The following TMTC2 variants were observed in gnomAD, a reference collection of about 807,000 sequenced individuals.
The protein encoded by TMTC2 is protein O-mannosyl-transferase TMTC2.
A neutral mutation model predicts 82.4 loss-of-function variants in TMTC2; 43 were observed. The observed-to-expected ratio is 0.52, with a 90% CI of 0.41 to 0.67. The LOEUF (loss-of-function observed/expected upper bound fraction) is 0.67, where lower values mean the gene tolerates loss of function less well. Among genes scored for constraint, TMTC2 ranks in the 30% least tolerant of loss-of-function variants. The pLI is 0.00. For synonymous variants in TMTC2, 408 were observed against 381.9 expected (o/e 1.07, Z -0.80); for missense variants, 919 against 1,012.4 (o/e 0.91, Z 1.25).
At chr12:82,691,390 A>G (rs1038383003) in intron 1 of TMTC2, among the ~76,000 whole-genome samples, 1 of 152,208 alleles carries the variant, frequency 6.6e-6, no homozygotes, top group Admixed American at 6.5e-5. Flanking sequence ...TTAAAATTAC[A>G]TCAAGCTCTT....
chr12:82,749,495 G>T lies in TMTC2; in HGVS notation c.83+61826G>T, dbSNP rs1002435468. Among the ~76,000 whole-genome samples, 3 of 150,844 alleles carry T rather than the reference G, an allele frequency of 2.0e-5. No individual in the cohort carries two copies. The South Asian group carries it at 6.3e-4, about 32-fold the overall frequency. ...CACTTTGTAGATTTGATGCTTTTTT[G>T]TTTTTTTTTAATTTGGTATAAAAGC... is the stretch of plus-strand genomic sequence containing the variant. On this transcript the variant is annotated intron_variant, in intron 1 of 11. Coordinates refer to ENST00000321196, the MANE Select transcript of TMTC2 (RefSeq NM_152588.3).
rs994523924 is a variant in TMTC2 at position 82,697,068 on chromosome 12, G to A, written c.83+9399G>A. Among the ~76,000 whole-genome samples the A allele has an allele frequency of 9.0e-4, 136 of 151,376 alleles. 1 individual carries two copies. The highest frequency in any genetic ancestry group is 3.2e-3 in the African/African-American group (132 of 41,314). On this transcript the variant is annotated intron_variant, in intron 1 of 11. Coordinates refer to ENST00000321196, the MANE Select transcript of TMTC2 (RefSeq NM_152588.3). ...CTTGTTAAAAATGCAGATTTTGGCC[G>A]GGCGCAGTGGCTCATGCCTGTAATC...
chr12:82,887,405 T>C (rs1394369526), intron 2 of TMTC2, among the ~76,000 whole-genome samples: 1 of 152,206 alleles, frequency 6.6e-6, no homozygotes, highest in Admixed American at 6.5e-5. Flanking sequence ...TAGAAGGGAA[T>C]AATTCACCAC....
chr12:82,708,785 T>TA (rs749350361), intron 1 of TMTC2, among the ~76,000 whole-genome samples: 14 of 152,248 alleles, frequency 9.2e-5, no homozygotes, highest in Non-Finnish European at 2.1e-4. Context: ...GTTGCTTTGT[T>TA]ACATTGTTTC....
intron 1 of TMTC2, among the ~76,000 whole-genome samples, chr12:82,735,994 C>T (rs1875106188): frequency 7.0e-6 from 1 of 142,162 alleles, no homozygotes; most frequent in Admixed American, 6.9e-5. Flanking sequence ...CACACACACA[C>T]ACACACACAA....
rs181994826 is a variant in TMTC2, at chr12:83,058,265, C to T, written c.2268-3503C>T. Among the ~76,000 whole-genome samples, 84 of 151,866 alleles carry T rather than the reference C, an allele frequency of 5.5e-4. 1 individual carries two copies. The highest frequency in any genetic ancestry group is 3.4e-3 in the Middle Eastern group (1 of 294). The stretch of plus-strand genomic sequence containing the variant: ...AGTTTTGTTATTGTCTGTTTGCTTT[C>T]GATCTGAGAGTATATTTTCACTGAT... On this transcript the variant is annotated intron_variant, in intron 10 of 11. Coordinates refer to ENST00000321196, the MANE Select transcript of TMTC2 (RefSeq NM_152588.3).
intron 3 of TMTC2, among the ~76,000 whole-genome samples, chr12:82,925,385 A>C (rs2137234778): frequency 6.6e-6 from 1 of 152,322 alleles, no homozygotes; most frequent in East Asian, 1.9e-4. Context: ...ATAAATTAAT[A>C]AATATTTAAT....
chr12:83,068,504 G>A (rs1882998004), intron 11 of TMTC2, among the ~76,000 whole-genome samples: 1 of 152,000 alleles, frequency 6.6e-6, no homozygotes, highest in Non-Finnish European at 1.5e-5. Context: ...GGAACCACAT[G>A]GTCTCTCCCA....
intron 4 of TMTC2, among the ~76,000 whole-genome samples, chr12:82,938,709 G>A (rs992739963): frequency 6.6e-6 from 1 of 152,156 alleles, no homozygotes. Context: ...CATGTGGCAA[G>A]AGCAAGGCCT....
chr12:82,928,353 G>C (rs1043406022), intron 3 of TMTC2, among the ~76,000 whole-genome samples: 2 of 152,056 alleles, frequency 1.3e-5, no homozygotes, highest in South Asian at 4.1e-4. Flanking sequence ...GTAATTATTA[G>C]AAATTTCCAT....
At chr12:82,840,545 T>A (rs759335916) in intron 1 of TMTC2, among the ~76,000 whole-genome samples, 35 of 152,214 alleles carry the variant, frequency 2.3e-4, no homozygotes, top group Non-Finnish European at 1.3e-4. Context: ...TTATTGGCAG[T>A]GGCCAGGGTG....
intron 3 of TMTC2, among the ~76,000 whole-genome samples, chr12:82,901,300 A>T (rs34125657): frequency 0.12 from 10,047 of 85,192 alleles, 881 homozygotes; most frequent in African/African-American, 0.18. Flanking sequence ...ATATATATAT[A>T]TTTTTTTTTC....
At position 82,735,572 on chromosome 12, in the gene TMTC2, C is replaced by T. The variant is rs538957792; in HGVS notation, c.83+47903C>T. Among the ~76,000 whole-genome samples, 13 of 152,022 alleles carry T rather than the reference C, an allele frequency of 8.6e-5. No homozygotes were observed. In the South Asian group the frequency reaches 2.5e-3, roughly 29 times the overall value. ...GTGTTAGCCAGGATGGTCTCGATCT[C>T]CTGACCTTGTGATCCGCCCTCCTTG... On this transcript the variant is annotated intron_variant, in intron 1 of 11. Transcript: ENST00000321196.
At chr12:82,707,494 C>T (rs949770386) in intron 1 of TMTC2, among the ~76,000 whole-genome samples, 3 of 152,188 alleles carry the variant, frequency 2.0e-5, no homozygotes, top group African/African-American at 7.2e-5. Context: ...CTAATGAGGC[C>T]ATGAGGACTC....
intron 1 of TMTC2, among the ~76,000 whole-genome samples, chr12:82,688,969 G>A (rs1267063718): frequency 6.6e-6 from 1 of 152,182 alleles, no homozygotes; most frequent in Non-Finnish European, 1.5e-5. Context: ...CAGCAAACCC[G>A]TCTTAATGCA....
At chr12:82,756,782 AT>A (rs1876354427) in intron 1 of TMTC2, among the ~76,000 whole-genome samples, 1 of 152,124 alleles carries the variant, frequency 6.6e-6, no homozygotes, top group South Asian at 2.1e-4. Flanking sequence ...ACTGCAAGTG[AT>A]GGCCCTACTG....
chr12:82,964,726 A>G (rs1203478776), intron 4 of TMTC2, among the ~76,000 whole-genome samples: 1 of 152,148 alleles, frequency 6.6e-6, no homozygotes, highest in Non-Finnish European at 1.5e-5. Flanking sequence ...CCAGGTGGTT[A>G]GTAATTCTAG....
chr12:82,703,654 G>A (rs1367485052), intron 1 of TMTC2, among the ~76,000 whole-genome samples: 4 of 151,916 alleles, frequency 2.6e-5, no homozygotes, highest in Admixed American at 1.3e-4. Context: ...GTCCGCCACC[G>A]TGCCTAGCTA....
chr12:82,697,334 C>CAA (rs367770708), intron 1 of TMTC2, among the ~76,000 whole-genome samples: 10,685 of 61,270 alleles, frequency 0.17, 632 homozygotes, highest in East Asian at 0.3. Flanking sequence ...CAGCCTGTCT[C>CAA]AAAAAAAAAA....
Sources: gnomAD v4.1 joint callset for allele counts (sites outside exome capture counted in the v4.1 genomes callset) on GRCh38, gnomAD v4.1.1 for gene constraint, MANE v1.5 for transcripts, NCBI Gene and HGNC (gene_info 2026-07-23, HGNC 2026-07-21) for gene names.